TAFA1: variants seen among roughly 807,000 people sequenced by gnomAD.
The protein encoded by TAFA1 is chemokine-like protein TAFA-1.
Under a neutral mutation model 18.5 loss-of-function variants are expected in TAFA1, and 4 were observed. The observed-to-expected ratio is 0.22, with a 90% confidence interval of 0.11 to 0.49. TAFA1 has a LOEUF of 0.49. Among genes scored for constraint, TAFA1 ranks in the 20% least tolerant of loss-of-function variants. The probability of loss-of-function intolerance (pLI) is 0.98; values close to 1 mark genes in which losing one functional copy is unlikely to be tolerated. For missense variants in TAFA1, 147 were observed against 169.0 expected, an observed-to-expected ratio of 0.87 and a Z score of 0.72; for synonymous variants, 56 against 55.2, an observed-to-expected ratio of 1.01 and a Z score of -0.06.
At chr3:68,533,525 A>C (rs988618307) in intron 3 of TAFA1, among the ~76,000 whole-genome samples, 4 of 152,328 alleles carry the variant, frequency 2.6e-5, no homozygotes, top group African/African-American at 9.6e-5. Context: ...GTGATCACTA[A>C]ATCTACATGT....
chr3:68,232,515 A>T (rs533575802), intron 2 of TAFA1, among the ~76,000 whole-genome samples: 1 of 152,324 alleles, frequency 6.6e-6, no homozygotes, highest in South Asian at 2.1e-4. Context: ...TGAAATAAAC[A>T]TGGGGGTGCA....
intron 3 of TAFA1, among the ~76,000 whole-genome samples, chr3:68,488,320 C>T (rs2072385296): frequency 6.6e-6 from 1 of 152,154 alleles, no homozygotes; most frequent in South Asian, 2.1e-4. Context: ...AATATTTTCA[C>T]GTTCTTCTGT....
chr3:68,217,835 C>A (rs1001445038), intron 2 of TAFA1, among the ~76,000 whole-genome samples: 1 of 151,990 alleles, frequency 6.6e-6, no homozygotes, highest in Non-Finnish European at 1.5e-5. Context: ...AGCACACTTA[C>A]TATCTCATTT....
chr3:68,145,411 T>C (rs2065726692), intron 2 of TAFA1: 3 of 851,942 alleles, frequency 3.5e-6, no homozygotes, highest in Admixed American at 1.7e-5. Context: ...TTGCAGCCTT[T>C]GTTGGACTTC....
At position 68,428,781 on chromosome 3, in the gene TAFA1, G is replaced by C. The variant is rs971463031; in HGVS notation, c.259+11361G>C. On this transcript the variant is annotated intron_variant, in intron 3 of 4. Coordinates refer to ENST00000478136, the MANE Select transcript of TAFA1 (RefSeq NM_213609.4). ...TATAAAATGATTGGGCAATTAACTA[G>C]ACACTCATTCAAAGGAAGGTCACAT... is the stretch of plus-strand genomic sequence containing the variant. Among the ~76,000 whole-genome samples the C allele has an allele frequency of 1.1e-4, 16 of 151,912 alleles. No individual in the cohort carries two copies. The South Asian group carries it at 1.2e-3, about 12-fold the overall frequency.
intron 2 of TAFA1, among the ~76,000 whole-genome samples, chr3:68,345,892 G>A (rs2069156858): frequency 6.6e-6 from 1 of 152,100 alleles, no homozygotes. Context: ...CTCTTTTTTA[G>A]AGATAAAGAT....
intron 3 of TAFA1, among the ~76,000 whole-genome samples, chr3:68,484,200 C>T (rs2072292633): frequency 6.6e-6 from 1 of 152,108 alleles, no homozygotes; most frequent in Non-Finnish European, 1.5e-5. Context: ...TCTTAAAATT[C>T]AGTGTATATT....
intron 2 of TAFA1, among the ~76,000 whole-genome samples, chr3:68,053,896 G>A (rs940191744): frequency 1.3e-5 from 2 of 151,936 alleles, no homozygotes; most frequent in Non-Finnish European, 2.9e-5. Context: ...GTAGAGATGA[G>A]GTCTTACTAT....
At chr3:68,223,898 C>CTA (rs1262750857) in intron 2 of TAFA1, among the ~76,000 whole-genome samples, 9 of 151,710 alleles carry the variant, frequency 5.9e-5, no homozygotes, top group Admixed American at 3.3e-4. Context: ...GAATGCAATG[C>CTA]TATACAGCCA....
chr3:68,375,888 C>T (rs948704615), intron 2 of TAFA1, among the ~76,000 whole-genome samples: 1 of 152,134 alleles, frequency 6.6e-6, no homozygotes, highest in Admixed American at 6.6e-5. Context: ...AGCTCTACTG[C>T]AGTCAAAAGT....
At position 68,459,673 on chromosome 3, in the gene TAFA1, C is replaced by T. The variant is rs183971375; in HGVS notation, c.259+42253C>T. On this transcript the variant is annotated intron_variant, in intron 3 of 4. Coordinates refer to ENST00000478136, the MANE Select transcript of TAFA1 (RefSeq NM_213609.4). The stretch of plus-strand genomic sequence containing the variant: ...AGAAAGTATTATCTCATCTTTGAAA[C>T]GAATGATAAAATCAATACAAAGAGC... Among the ~76,000 whole-genome samples the T allele has an allele frequency of 4.1e-4, 63 of 152,258 alleles. 1 individual carries two copies. The East Asian group carries it at 8.3e-3, about 20-fold the overall frequency.
At chr3:68,196,516 A>G (rs1027640208) in intron 2 of TAFA1, among the ~76,000 whole-genome samples, 6 of 151,784 alleles carry the variant, frequency 4.0e-5, no homozygotes, top group African/African-American at 1.2e-4. Flanking sequence ...TCAAATTACT[A>G]TAAGGAAAAA....
intron 3 of TAFA1, among the ~76,000 whole-genome samples, chr3:68,520,606 T>A (rs186210261): frequency 5.9e-5 from 9 of 152,302 alleles, no homozygotes; most frequent in African/African-American, 9.6e-5. Context: ...TGGATTATAA[T>A]TAAGAAAACC....
intron 2 of TAFA1, among the ~76,000 whole-genome samples, chr3:68,217,856 G>A (rs1240416176): frequency 6.6e-6 from 1 of 151,836 alleles, no homozygotes; most frequent in East Asian, 1.9e-4. Flanking sequence ...AGCTTTCACA[G>A]TAAATTTATT....
intron 3 of TAFA1, among the ~76,000 whole-genome samples, chr3:68,525,084 G>C (rs558417266): frequency 1.3e-5 from 2 of 152,226 alleles, no homozygotes; most frequent in African/African-American, 4.8e-5. Context: ...GCTCAAGGCA[G>C]TAGAACTAAG....
At chr3:68,370,321 A>AATATATATATATATAT (rs1329816013) in intron 2 of TAFA1, among the ~76,000 whole-genome samples, 1 of 18,084 alleles carries the variant, frequency 5.5e-5, no homozygotes, top group Non-Finnish European at 9.1e-5. Flanking sequence ...AAAAAAAAAA[A>AATATATATATATATAT]ATATATATAT....
chr3:68,220,279 C>A (rs2066713412), intron 2 of TAFA1, among the ~76,000 whole-genome samples: 1 of 152,024 alleles, frequency 6.6e-6, no homozygotes, highest in African/African-American at 2.4e-5. Flanking sequence ...CAAAACAAGG[C>A]TGAATGAAGC....
chr3:68,027,746 A>C (rs1704846240), intron 2 of TAFA1, among the ~76,000 whole-genome samples: 1 of 152,162 alleles, frequency 6.6e-6, no homozygotes, highest in African/African-American at 2.4e-5. Flanking sequence ...ATCTTCTTGG[A>C]AACTTTGAAA....
intron 2 of TAFA1, among the ~76,000 whole-genome samples, chr3:68,386,908 GACTC>G (rs1319064265): frequency 6.6e-6 from 1 of 152,100 alleles, no homozygotes; most frequent in Admixed American, 6.6e-5. Flanking sequence ...CAATTTGCAA[GACTC>G]TTTAGTTTAG....
Sources: allele counts gnomAD v4.1 joint callset (sites outside exome capture counted in the v4.1 genomes callset), GRCh38; gene constraint gnomAD v4.1.1; transcripts MANE v1.5; gene names NCBI Gene and HGNC (gene_info 2026-07-23, HGNC 2026-07-21).